NELL1: variants seen among roughly 807,000 people sequenced by gnomAD.
The protein encoded by NELL1 is protein kinase C-binding protein NELL1.
NELL1 carries 76 observed loss-of-function variants against 107.4 expected under a neutral mutation model. The ratio of observed to expected loss-of-function variants is 0.71; its 90% CI spans 0.59 to 0.86. NELL1 has a LOEUF of 0.86. NELL1 is among the 40% of genes least tolerant of loss of function. The pLI, the probability that NELL1 is intolerant of heterozygous loss-of-function variation, is 0.00. For synonymous variants in NELL1, 353 were observed against 341.2 expected, an observed-to-expected ratio of 1.03 and a Z score of -0.38; for missense variants, 1,024 against 1,005.5, an observed-to-expected ratio of 1.02 and a Z score of -0.25.
intron 12 of NELL1, among the ~76,000 whole-genome samples, chr11:21,031,466 T>C (rs1298080071): frequency 6.6e-6 from 1 of 152,192 alleles, no homozygotes; most frequent in Non-Finnish European, 1.5e-5. Context: ...AGGAGACAGA[T>C]TGAGAACACA....
Position 20,881,122 on chromosome 11 carries a change from C to T in NELL1, c.507-4322C>T, listed in dbSNP as rs559563749. Among the ~76,000 whole-genome samples, 8 of 152,228 alleles carry T rather than the reference C, an allele frequency of 5.3e-5. No individual in the cohort carries two copies. In the East Asian group the frequency reaches 1.5e-3, roughly 29 times the overall value. ...GCTTTGATACATGAACTTGTTTCCC[C>T]TTTTCCTTCTGATAAGTAAGCCTAG... On this transcript the variant is annotated intron_variant, in intron 4 of 19. Coordinates refer to ENST00000357134, the MANE Select transcript of NELL1 (RefSeq NM_006157.5).
chr11:21,462,395 T>C (rs1853920680), intron 15 of NELL1, among the ~76,000 whole-genome samples: 1 of 152,090 alleles, frequency 6.6e-6, no homozygotes, highest in Non-Finnish European at 1.5e-5. Flanking sequence ...TTTAGCAGGA[T>C]TTATGGTTTT....
intron 19 of NELL1, 90 bp downstream of exon 19, chr11:21,573,499 G>A (rs1857152167): frequency 1.9e-6 from 2 of 1,074,832 alleles, no homozygotes; most frequent in Non-Finnish European, 2.8e-6. Flanking sequence ...TGAATACACA[G>A]GTTCAATGGA....
chr11:20,729,291 C>G (rs1855577144), intron 2 of NELL1, among the ~76,000 whole-genome samples: 1 of 151,956 alleles, frequency 6.6e-6, no homozygotes, highest in Admixed American at 6.6e-5. Flanking sequence ...ATTTAGATGC[C>G]TCTTATTTTT....
At chr11:21,465,709 A>C (rs775335038) in intron 15 of NELL1, among the ~76,000 whole-genome samples, 32 of 152,084 alleles carry the variant, frequency 2.1e-4, no homozygotes, top group Non-Finnish European at 3.8e-4. Context: ...GGATAAGTAC[A>C]CAATAAAATC....
intron 2 of NELL1, among the ~76,000 whole-genome samples, chr11:20,716,042 C>T (rs1383203881): frequency 2.6e-5 from 4 of 152,156 alleles, no homozygotes; most frequent in South Asian, 4.1e-4. Context: ...AAAAAAGATT[C>T]GATATGCAAA....
At chr11:21,241,432 T>C (rs953345891) in intron 14 of NELL1, among the ~76,000 whole-genome samples, 13 of 152,150 alleles carry the variant, frequency 8.5e-5, no homozygotes, top group African/African-American at 2.9e-4. Context: ...TTAGCTTAAA[T>C]AGATCTGTTA....
At position 21,282,551 on chromosome 11, in the gene NELL1, G is replaced by A. The variant is rs192246511; in HGVS notation, c.1549+53097G>A. ...GATGCCGGCAAGGGTGTAGAGAAAA[G>A]GGAACACCCAACACTGTTGGTGGGA... On this transcript the variant is annotated intron_variant, in intron 14 of 19. Coordinates refer to ENST00000357134, the MANE Select transcript of NELL1 (RefSeq NM_006157.5). 6.7e-4 allele frequency among the ~76,000 whole-genome samples: 101 copies of A among 151,070 alleles called. No individual in the cohort carries two copies. The East Asian group carries it at 0.015, about 23-fold the overall frequency.
At chr11:21,230,500 T>A (rs901185850) in intron 14 of NELL1, among the ~76,000 whole-genome samples, 1 of 152,048 alleles carries the variant, frequency 6.6e-6, no homozygotes, top group African/African-American at 2.4e-5. Flanking sequence ...AACGAAAAAA[T>A]AGGCAACATG....
At chr11:21,254,312 A>G (rs1035554363) in intron 14 of NELL1, among the ~76,000 whole-genome samples, 5 of 152,086 alleles carry the variant, frequency 3.3e-5, no homozygotes, top group East Asian at 1.9e-4. Flanking sequence ...TGAAGAAAAT[A>G]TGATGATAGA....
intron 17 of NELL1, among the ~76,000 whole-genome samples, chr11:21,562,861 C>T (rs543072793): frequency 2.0e-5 from 3 of 152,118 alleles, no homozygotes; most frequent in Non-Finnish European, 2.9e-5. Flanking sequence ...CTACTTTCCC[C>T]TTTGAGAGTC....
intron 16 of NELL1, among the ~76,000 whole-genome samples, chr11:21,538,644 CTG>C (rs1207073367): frequency 6.6e-6 from 1 of 152,082 alleles, no homozygotes; most frequent in African/African-American, 2.4e-5. Context: ...ACAATGCACT[CTG>C]TGTTTTGATG....
chr11:21,258,645 G>T (rs1204442220), intron 14 of NELL1, among the ~76,000 whole-genome samples: 2 of 151,894 alleles, frequency 1.3e-5, no homozygotes, highest in Middle Eastern at 3.4e-3. Flanking sequence ...AGGGCAATCT[G>T]CTTTATTCAG....
chr11:20,926,298 T>A (rs972329480), intron 7 of NELL1, among the ~76,000 whole-genome samples: 2 of 152,086 alleles, frequency 1.3e-5, no homozygotes, highest in East Asian at 3.9e-4. Flanking sequence ...GTATGAAAAG[T>A]GATCAGAAGA....
At chr11:21,097,689 AG>A (rs1437747342) in intron 12 of NELL1, among the ~76,000 whole-genome samples, 1 of 152,196 alleles carries the variant, frequency 6.6e-6, no homozygotes, top group African/African-American at 2.4e-5. Context: ...AGGAAGAATA[AG>A]AAAGTTGAGT....
Position 20,930,693 on chromosome 11 carries a change from C to T in NELL1, c.997+2214C>T, listed in dbSNP as rs147709619. The stretch of plus-strand genomic sequence containing the variant: ...GCCCTCTCACTAGACGTGTGTGGGA[C>T]GGTCATTTTTCTTTGTGCTAATTTG... On this transcript the variant is annotated intron_variant, in intron 9 of 19. Coordinates refer to ENST00000357134, the MANE Select transcript of NELL1 (RefSeq NM_006157.5). Among the ~76,000 whole-genome samples, 190 of 152,028 alleles carry T rather than the reference C, an allele frequency of 1.2e-3. 1 individual carries two copies. The highest frequency in any genetic ancestry group is 4.3e-3 in the African/African-American group (178 of 41,472).
chr11:20,946,309 T>G (rs957678407), intron 10 of NELL1, among the ~76,000 whole-genome samples: 5 of 152,140 alleles, frequency 3.3e-5, no homozygotes, highest in African/African-American at 4.8e-5. Flanking sequence ...TGCTTCCTGG[T>G]TGACTTAAGC....
rs150047180 is a variant in NELL1, at chr11:21,335,106, A to G, written c.1550-35747A>G. Among the ~76,000 whole-genome samples the G allele has an allele frequency of 6.5e-3, 990 of 152,180 alleles. 10 individuals carry two copies. The highest frequency in any genetic ancestry group is 0.022 in the African/African-American group (916 of 41,562). On this transcript the variant is annotated intron_variant, in intron 14 of 19. Coordinates refer to ENST00000357134, the MANE Select transcript of NELL1 (RefSeq NM_006157.5). The stretch of plus-strand genomic sequence containing the variant: ...AAAAAAGACCACTTATTACCCTTTA[A>G]AACTCATAATATGGAAGATATTTCA...
Position 20,952,277 on chromosome 11 carries a change from T to G in NELL1, c.1171+4842T>G, listed in dbSNP as rs143765456. ...TTGGGAAAAAGTTCTTTCCGACATC[T>G]GTTCCAAATGCGTTTATCTGTAATT... On this transcript the variant is annotated intron_variant, in intron 11 of 19. Transcript: ENST00000357134. Among the ~76,000 whole-genome samples the G allele has an allele frequency of 2.4e-4, 37 of 152,290 alleles. No individual in the cohort carries two copies. The East Asian group carries it at 6.9e-3, about 29-fold the overall frequency.
Sources: allele counts gnomAD v4.1 joint callset (sites outside exome capture counted in the v4.1 genomes callset), GRCh38; gene constraint gnomAD v4.1.1; transcripts MANE v1.5; gene names NCBI Gene and HGNC (gene_info 2026-07-23, HGNC 2026-07-21).